Variants in MCPH1 observed in about 807,000 individuals in gnomAD.
MCPH1 encodes microcephalin.
In MCPH1, 104 loss-of-function variants were observed where a neutral mutation model predicts 84.5. That is an observed-to-expected ratio of 1.23 (90% CI 1.05 to 1.45). The LOEUF is 1.45. Ranked by LOEUF, MCPH1 falls within the 40% of genes most tolerant of loss-of-function variation. MCPH1 has a pLI of 0.00. For missense variants in MCPH1, 1,498 were observed against 1,005.7 expected, an observed-to-expected ratio of 1.49 and a Z score of -6.62; for synonymous variants, 514 against 366.8, an observed-to-expected ratio of 1.40 and a Z score of -4.58.
At chr8:6,564,596 A>G (rs1289763492) in intron 12 of MCPH1, among the ~76,000 whole-genome samples, 1 of 151,604 alleles carries the variant, frequency 6.6e-6, no homozygotes, top group African/African-American at 2.4e-5. Flanking sequence ...TTATCTCTCA[A>G]GGTACAAGGT....
In MCPH1 at chr8:6,445,135, T is replaced by A. The variant is rs1322051795; in HGVS notation, c.1413T>A (p.Val471=). 6.2e-7 allele frequency: 1 copy of A among 1,614,242 alleles called. No individual in the cohort carries two copies. Among genetic ancestry groups the A allele is most frequent in the South Asian group, 1.1e-5 (1 of 91,088 alleles). The change falls in exon 8 of 14, where the codon GTT becomes GTA. Residue 471 remains valine, a synonymous_variant. Transcript: ENST00000344683. ...FSCVGKKTRT[V]DITNFTAKTI... is the part of the protein sequence containing the mutation. ...GCGTTGGCAAAAAAACCAGAACAGT[T>A]GACATTACCAATTTCACAGCAAAAA...
chr8:6,535,892 CAAA>C (rs373792367), intron 12 of MCPH1, among the ~76,000 whole-genome samples: 20 of 130,816 alleles, frequency 1.5e-4, no homozygotes, highest in Admixed American at 2.3e-4. Context: ...ACAAAAAATA[CAAA>C]AAAAAAAAAA....
At chr8:6,621,999 T>C in intron 13 of MCPH1, 1 of 426,170 alleles carries the variant, frequency 2.3e-6, no homozygotes, top group Non-Finnish European at 4.6e-6. Context: ...GGGCACAGAC[T>C]CTCCGGGCAC....
At chr8:6,623,320 C>T (rs935137633) in intron 13 of MCPH1, among the ~76,000 whole-genome samples, 4 of 152,012 alleles carry the variant, frequency 2.6e-5, no homozygotes, top group Non-Finnish European at 2.9e-5. Flanking sequence ...GATCCTTACC[C>T]GACTTTAGAG....
At chr8:6,480,658 G>T in intron 10 of MCPH1, 56 bp from the exon 11 acceptor site, 1 of 1,602,266 alleles carries the variant, frequency 6.2e-7, no homozygotes, top group Non-Finnish European at 8.5e-7. Context: ...TAACTGCTTT[G>T]ATGGGCATGT....
At position 6,446,566 on chromosome 8, in the gene MCPH1, T is replaced by A. The variant is rs1007170414; in HGVS notation, c.1825+1019T>A. ...ATATATTAAATTTGACAAGAAACTG[T>A]ATTTTATGTTCCATTAGCCTTAGTA... On this transcript the variant is annotated intron_variant, in intron 8 of 13. Transcript: ENST00000344683. 5.1e-6 allele frequency: 5 copies of A among 982,584 alleles called. No individual in the cohort carries two copies. In the African/African-American group the frequency reaches 8.7e-5, roughly 17 times the overall value. 60.9% of individuals were successfully genotyped at this position (982,584 alleles called of 1,614,324 possible). A position where few individuals can be genotyped will look rare whatever the true frequency, so the allele number is the denominator to read the frequency against.
intron 4 of MCPH1, among the ~76,000 whole-genome samples, chr8:6,432,894 T>C (rs968068683): frequency 2.0e-5 from 3 of 152,240 alleles, no homozygotes; most frequent in Non-Finnish European, 4.4e-5. Context: ...ATATTTTCTT[T>C]GTAAAACATT....
At chr8:6,562,552 C>CTTTTTTTTTGTTTTTTTT (rs1825705638) in intron 12 of MCPH1, 1 of 71,748 alleles carries the variant, frequency 1.4e-5, no homozygotes, top group African/African-American at 6.3e-5. Context: ...CATCCTCCTT[C>CTTTTTTTTTGTTTTTTTT]TTTTTTTTTT....
At chr8:6,592,538 C>CCT (rs928912419) in intron 12 of MCPH1, among the ~76,000 whole-genome samples, 1 of 151,492 alleles carries the variant, frequency 6.6e-6, no homozygotes, top group Admixed American at 6.6e-5. Context: ...TTCCATTCTT[C>CCT]CTCTCTCTCT....
chr8:6,543,268 C>T (rs1000789009), intron 12 of MCPH1, among the ~76,000 whole-genome samples: 2 of 152,218 alleles, frequency 1.3e-5, no homozygotes, highest in Admixed American at 6.5e-5. Flanking sequence ...AAGCCATCTT[C>T]TGTACATGAA....
chr8:6,572,777 C>A (rs550239480), intron 12 of MCPH1, among the ~76,000 whole-genome samples: 1 of 152,202 alleles, frequency 6.6e-6, no homozygotes, highest in Non-Finnish European at 1.5e-5. Flanking sequence ...TACAGTCTAA[C>A]GAGGTGAACA....
At chr8:6,460,468 G>T (rs987951249) in intron 9 of MCPH1, among the ~76,000 whole-genome samples, 1 of 151,764 alleles carries the variant, frequency 6.6e-6, no homozygotes, top group Non-Finnish European at 1.5e-5. Flanking sequence ...CTCCTACCTC[G>T]TCCTCCCAGG....
At chr8:6,462,738 T>TAAAAC (rs1806421688) in intron 9 of MCPH1, among the ~76,000 whole-genome samples, 3 of 152,210 alleles carry the variant, frequency 2.0e-5, no homozygotes, top group Non-Finnish European at 4.4e-5. Context: ...ACAGGAATAA[T>TAAAAC]AATAATAGTA....
At chr8:6,582,006 C>T (rs1827603335) in intron 12 of MCPH1, among the ~76,000 whole-genome samples, 1 of 152,180 alleles carries the variant, frequency 6.6e-6, no homozygotes, top group Non-Finnish European at 1.5e-5. Context: ...AGTACTCTTG[C>T]ATTGGGGATT....
At chr8:6,637,765 CAT>C (rs1445636984) in intron 13 of MCPH1, among the ~76,000 whole-genome samples, 1 of 152,074 alleles carries the variant, frequency 6.6e-6, no homozygotes, top group Non-Finnish European at 1.5e-5. Flanking sequence ...AGTGCTGACA[CAT>C]GTTTTTTTAA....
intron 9 of MCPH1, among the ~76,000 whole-genome samples, chr8:6,472,672 T>C (rs1807900919): frequency 6.6e-6 from 1 of 152,172 alleles, no homozygotes; most frequent in African/African-American, 2.4e-5. Context: ...TTCGCCATGG[T>C]GTCCAGGCTG....
At chr8:6,490,800 G>C (rs1286141392) in intron 11 of MCPH1, among the ~76,000 whole-genome samples, 1 of 152,098 alleles carries the variant, frequency 6.6e-6, no homozygotes, top group African/African-American at 2.4e-5. Context: ...TTGTCAGCTA[G>C]AGTAACAGCT....
At position 6,431,298 on chromosome 8, in the gene MCPH1, C is replaced by G. The variant is rs997173961; in HGVS notation, c.234-201C>G. On this transcript the variant is annotated intron_variant, in intron 3 of 13. Transcript: ENST00000344683. ...TTACCTGCCTCTTGCTTCTGTTATA[C>G]TTAAATACCAGATAGAGATGATTTT... Among the ~76,000 whole-genome samples the G allele has an allele frequency of 1.4e-4, 21 of 152,236 alleles. 2 individuals are homozygous for G. Among genetic ancestry groups the G allele is most frequent in the African/African-American group, 4.8e-4 (20 of 41,532 alleles).
chr8:6,636,363 A>G (rs2129582995), intron 13 of MCPH1, among the ~76,000 whole-genome samples: 1 of 150,490 alleles, frequency 6.6e-6, no homozygotes, highest in Middle Eastern at 3.5e-3. Flanking sequence ...AGTCACAGTC[A>G]GGAATGAGGG....
Sources: gnomAD v4.1 joint callset for allele counts (sites outside exome capture counted in the v4.1 genomes callset) on GRCh38, gnomAD v4.1.1 for gene constraint, MANE v1.5 for transcripts, NCBI Gene and HGNC (gene_info 2026-07-23, HGNC 2026-07-21) for gene names.